RGS3: variants seen among roughly 807,000 people sequenced by gnomAD.
RGS3 encodes the protein regulator of G-protein signalling 3.
In RGS3, 80 loss-of-function variants were observed where a neutral mutation model predicts 132.6. The observed-to-expected ratio is 0.60, with a 90% CI of 0.50 to 0.73. The LOEUF is 0.73. RGS3 is among the 30% of genes least tolerant of loss of function. The pLI, the probability that RGS3 is intolerant of heterozygous loss-of-function variation, is 0.00. For synonymous variants in RGS3, 598 were observed against 620.6 expected, an observed-to-expected ratio of 0.96 and a Z score of 0.54; for missense variants, 1,382 against 1,530.8, an observed-to-expected ratio of 0.90 and a Z score of 1.62.
In RGS3 at chr9:113,463,752, C is replaced by T. The variant is rs1283126522; in HGVS notation, c.415+1551C>T. 1 of 1,558,094 alleles carries T rather than the reference C, an allele frequency of 6.4e-7. No individual in the cohort carries two copies. The highest frequency in any genetic ancestry group is 1.9e-5 in the Admixed American group (1 of 51,732). On this transcript the variant is annotated intron_variant, in intron 3 of 24. Transcript: ENST00000350696. The surrounding 1 kb of genome is among the most constrained non-coding windows in gnomAD (Gnocchi z 4.6). ...GGAGACTCCGGTTACTGGGGAGCAA[C>T]ACAGCCGCCTCGGGTTGCAGACGCT...
intron 7 of RGS3, among the ~76,000 whole-genome samples, chr9:113,490,469 A>G (rs929004260): frequency 1.3e-5 from 2 of 151,892 alleles, no homozygotes; most frequent in South Asian, 4.1e-4. Context: ...ATGCCATTGA[A>G]TATGGAACTC....
At chr9:113,544,951 A>G (rs1241854490) in intron 19 of RGS3, among the ~76,000 whole-genome samples, 3 of 152,244 alleles carry the variant, frequency 2.0e-5, no homozygotes, top group African/African-American at 7.2e-5. Flanking sequence ...AGGATAAATA[A>G]AATGAGATGC....
upstream of RGS3, among the ~76,000 whole-genome samples, chr9:113,457,693 T>C (rs1829393823): frequency 6.6e-6 from 1 of 152,246 alleles, no homozygotes; most frequent in South Asian, 2.1e-4. Flanking sequence ...TTTAGCAACC[T>C]GATTCAGTTA....
At chr9:113,514,633 G>A (rs1316551764) in exon 15 of RGS3, 1 of 1,613,720 alleles carries the variant, frequency 6.2e-7, no homozygotes, top group East Asian at 2.2e-5. Flanking sequence ...CCAAAGTCCT[G>A]GTGTTCCCTG....
At chr9:113,517,651 G>T (rs748472794) in intron 16 of RGS3, 27 bp downstream of exon 14, 16 of 1,577,872 alleles carry the variant, frequency 1.0e-5, no homozygotes, top group Non-Finnish European at 1.4e-5. Context: ...CATTTTTTAG[G>T]GGGCTTTCTG....
Position 113,507,213 on chromosome 9 carries a change from C to G in RGS3, c.1086-74C>G, listed in dbSNP as rs1404862711. 1.7e-5 allele frequency: 21 copies of G among 1,237,348 alleles called. No individual in the cohort carries two copies. The highest frequency in any genetic ancestry group is 2.3e-5 in the Non-Finnish European group (20 of 877,748). The allele number at this position is 1,237,348 out of a possible 1,614,324, so 76.6% of individuals were successfully genotyped here. ...CCTCTTCCCCCATTATCCTCTCTGCCCTGTGGGCCCTCACTCTGGCTGATA... is the reference window on the plus strand; with the variant it reads ...CCTCTTCCCCCATTATCCTCTCTGCGCTGTGGGCCCTCACTCTGGCTGATA... On this transcript the variant is annotated intron_variant, in intron 12 of 24. Transcript: ENST00000350696. The surrounding 1 kb of genome is among the most constrained non-coding windows in gnomAD (Gnocchi z 5.0).
chr9:113,485,692 A>G (rs1201630399), exon 7 of RGS3: 3 of 1,585,650 alleles, frequency 1.9e-6, no homozygotes, highest in Admixed American at 3.6e-5. Context: ...CAGCCAGTCC[A>G]GGTGAGGAGA....
chr9:113,594,575 G>A (rs755693754), intron 22 of RGS3, 44 bp downstream of exon 20: 1 of 1,499,970 alleles, frequency 6.7e-7, no homozygotes, highest in Non-Finnish European at 9.3e-7. Flanking sequence ...GGAACTCACT[G>A]GCTCCCCGGG....
intron 19 of RGS3, among the ~76,000 whole-genome samples, chr9:113,557,626 C>G (rs1330757122): frequency 6.6e-6 from 1 of 152,206 alleles, no homozygotes; most frequent in Non-Finnish European, 1.5e-5. Context: ...GGCTCATCAA[C>G]CAGCATGGTC....
chr9:113,523,095 T>C (rs1343866381), intron 17 of RGS3, 54 bp downstream of exon 15: 1 of 1,150,000 alleles, frequency 8.7e-7, no homozygotes, highest in Non-Finnish European at 1.3e-6. Flanking sequence ...CCAGTCCCAC[T>C]GCTCTGGGCA....
At chr9:113,452,182 G>A (rs931150764) in intron 1 of RGS3, among the ~76,000 whole-genome samples, 2 of 151,738 alleles carry the variant, frequency 1.3e-5, no homozygotes, top group Non-Finnish European at 2.9e-5. Context: ...AATTTTTTTT[G>A]TGGAGATGGG....
intron 7 of RGS3, among the ~76,000 whole-genome samples, chr9:113,492,155 GT>G (rs767722655): frequency 6.6e-6 from 1 of 152,190 alleles, no homozygotes; most frequent in Non-Finnish European, 1.5e-5. Flanking sequence ...GAGAACTAAA[GT>G]GCATTTCCTC....
At chr9:113,596,469 C>T (rs149328523) in intron 24 of RGS3, among the ~76,000 whole-genome samples, 17 of 152,296 alleles carry the variant, frequency 1.1e-4, no homozygotes, top group South Asian at 2.1e-4. Context: ...TGAAGCTCAC[C>T]GCACTTAAGT....
chr9:113,542,419 G>A lies in RGS3; in HGVS notation c.2037+5501G>A, dbSNP rs554243932. On this transcript the variant is annotated intron_variant, in intron 19 of 24. Coordinates refer to ENST00000350696, the Ensembl canonical transcript of RGS3. ...TTGCAAGTACATTTTTACAAGATCCGTTTACACATAGGAGGGGCCCAAGTG... is the reference window on the plus strand; with the variant it reads ...TTGCAAGTACATTTTTACAAGATCCATTTACACATAGGAGGGGCCCAAGTG... Among the ~76,000 whole-genome samples the A allele has an allele frequency of 5.3e-5, 8 of 152,286 alleles. No individual in the cohort carries two copies. The South Asian group carries it at 6.2e-4, about 12-fold the overall frequency.
intron 19 of RGS3, among the ~76,000 whole-genome samples, chr9:113,569,565 G>A (rs899427452): frequency 3.9e-5 from 5 of 127,804 alleles, no homozygotes; most frequent in South Asian, 2.5e-4. Flanking sequence ...TCTCCCTTCC[G>A]TGTCTTTCCT....
rs1435263137 is a variant in RGS3, at chr9:113,553,455, AAAAAATAT to A, written c.2037+16539_2037+16546del. ...GAAACTCTGTTTAAAAAAAAAAAAAAAAAAATATATATATATATATATATATATATATA... is the reference window on the plus strand; with the variant it reads ...GAAACTCTGTTTAAAAAAAAAAAAAAATATATATATATATATATATATATA... On this transcript the variant is annotated intron_variant, in intron 19 of 24. Coordinates refer to ENST00000350696, the Ensembl canonical transcript of RGS3. Among the ~76,000 whole-genome samples the A allele has an allele frequency of 1.8e-4, 17 of 96,764 alleles. 1 individual carries two copies. The highest frequency in any genetic ancestry group is 6.7e-4 in the African/African-American group (16 of 23,792). The allele number at this position is 96,764 out of a possible 152,430, so 63.5% of individuals were successfully genotyped here.
At position 113,584,447 on chromosome 9, in the gene RGS3, AG is replaced by A. The variant is rs1459079351; in HGVS notation, c.3015+23del. On this transcript the variant is annotated intron_variant, in intron 20 of 24. Coordinates refer to ENST00000350696, the Ensembl canonical transcript of RGS3. ...AGGAAGGTGAGAAAGCTAAAGGGGG[AG>A]GGAGAAGGATACATGCAATGTGGGG... is the stretch of plus-strand genomic sequence containing the variant. 1.3e-6 allele frequency: 2 copies of A among 1,501,192 alleles called. No homozygotes were observed. The highest frequency in any genetic ancestry group is 1.4e-5 in the African/African-American group (1 of 71,616). The allele number at this position is 1,501,192 out of a possible 1,614,324, so 93.0% of individuals were successfully genotyped here. A position where few individuals can be genotyped will look rare whatever the true frequency, so the allele number is the denominator to read the frequency against.
chr9:113,541,647 A>G, intron 19 of RGS3: 5 of 1,187,334 alleles, frequency 4.2e-6, no homozygotes, highest in Non-Finnish European at 4.2e-6. Flanking sequence ...GGCAGCAGAA[A>G]GTCCCAAGAG....
intron 3 of RGS3, among the ~76,000 whole-genome samples, chr9:113,476,637 G>A (rs1158174485): frequency 6.6e-6 from 1 of 152,202 alleles, no homozygotes; most frequent in East Asian, 1.9e-4. Context: ...TCTCAATCCC[G>A]AGTCAGCCTT....
Sources: gnomAD v4.1 joint callset for allele counts (sites outside exome capture counted in the v4.1 genomes callset) on GRCh38, gnomAD v4.1.1 for gene constraint, Gnocchi (gnomAD v3.1) non-coding constraint, MANE v1.5 for transcripts, NCBI Gene and HGNC (gene_info 2026-07-23, HGNC 2026-07-21) for gene names.